Variants in FBXW2 observed in about 807,000 individuals in gnomAD.
FBXW2 encodes the protein F-box/WD repeat-containing protein 2.
In FBXW2, 12 loss-of-function variants were observed where a neutral mutation model predicts 46.0. The observed-to-expected ratio is 0.26, with a 90% CI of 0.17 to 0.42. FBXW2 has a LOEUF of 0.42. Ranked by LOEUF, FBXW2 falls within the 10% of genes least tolerant of loss-of-function variation. FBXW2 has a pLI of 1.00. For synonymous variants in FBXW2, 203 were observed against 209.6 expected (o/e 0.97, Z 0.27); for missense variants, 360 against 537.0 (o/e 0.67, Z 3.26).
chr9:120,771,795 G>A (rs1486866420), intron 6 of FBXW2, among the ~76,000 whole-genome samples: 4 of 152,088 alleles, frequency 2.6e-5, no homozygotes, highest in Admixed American at 2.0e-4. Flanking sequence ...ACGGTGGCTC[G>A]CGCCTGTAAT....
chr9:120,775,046 CTAAT>C (rs1386606915), intron 5 of FBXW2, among the ~76,000 whole-genome samples: 12 of 152,014 alleles, frequency 7.9e-5, no homozygotes, highest in Admixed American at 7.9e-4. Context: ...TTTTTCTGAA[CTAAT>C]TACTTTCCTA....
intron 3 of FBXW2, among the ~76,000 whole-genome samples, chr9:120,786,281 C>T (rs891305459): frequency 6.6e-6 from 1 of 152,140 alleles, no homozygotes; most frequent in African/African-American, 2.4e-5. Context: ...GGTGGCCCCC[C>T]ATGCTGTTCT....
rs1226500185 is a variant in FBXW2, at chr9:120,788,034, C to G, written c.225G>C (p.Gln75His). ...SFYLLKWLDP[Q>H]TLLTCCLVSK... ...AGACGAGGCAGCATGTGAGTAAAGT[C>G]TGAGGATCGAGCCATTTTAACAAAT... Residue 75 changes from glutamine to histidine, a missense_variant, in exon 3 of 8, where the codon CAG (glutamine) becomes CAC (histidine). Coordinates refer to ENST00000608872, the MANE Select transcript of FBXW2 (RefSeq NM_012164.4). 1.2e-6 allele frequency: 2 copies of G among 1,614,140 alleles called. No homozygotes were observed. The highest frequency in any genetic ancestry group is 1.6e-4 in the Middle Eastern group (1 of 6,062).
At chr9:120,784,043 T>C (rs575951490) in intron 3 of FBXW2, among the ~76,000 whole-genome samples, 6 of 152,212 alleles carry the variant, frequency 3.9e-5, no homozygotes, top group Non-Finnish European at 8.8e-5. Context: ...CCAGGGATGC[T>C]GCTGTTAGAA....
intron 2 of FBXW2, among the ~76,000 whole-genome samples, chr9:120,789,318 A>G (rs1428498918): frequency 1.3e-5 from 2 of 152,200 alleles, no homozygotes; most frequent in African/African-American, 2.4e-5. Context: ...CCGTTAGACC[A>G]TTTTCTCCTT....
rs555485208 is a variant in FBXW2, at chr9:120,757,843, C to A, written c.*6716G>T. On this transcript the variant is annotated 3_prime_UTR_variant, in exon 8 of 8. Coordinates refer to ENST00000608872, the MANE Select transcript of FBXW2 (RefSeq NM_012164.4). The stretch of plus-strand genomic sequence containing the variant: ...CTCTCCAAATGTACTCAGAACACTT[C>A]AGATGTTTACAGGATATGGCAGAAG... 2 of 152,304 alleles carry A rather than the reference C, an allele frequency of 1.3e-5. No homozygotes were observed. Among genetic ancestry groups the A allele is most frequent in the South Asian group, 2.1e-4 (1 of 4,824 alleles). 9.4% of individuals were successfully genotyped at this position (152,304 alleles called of 1,614,324 possible). A position where few individuals can be genotyped will look rare whatever the true frequency, so the allele number is the denominator to read the frequency against.
At chr9:120,787,321 G>A (rs2044743684) in intron 3 of FBXW2, among the ~76,000 whole-genome samples, 2 of 152,118 alleles carry the variant, frequency 1.3e-5, no homozygotes, top group South Asian at 4.1e-4. Context: ...GAGCCACTGC[G>A]CCCGACCTCC....
intron 4 of FBXW2, 176 bp from the exon 5 acceptor site, chr9:120,776,402 A>G: frequency 1.5e-6 from 1 of 661,726 alleles, no homozygotes. Context: ...TCTTACTATT[A>G]TAGCTTATTA....
In FBXW2 at chr9:120,760,824, T is replaced by G. The variant is rs1367972611; in HGVS notation, c.*3735A>C. On this transcript the variant is annotated 3_prime_UTR_variant, in exon 8 of 8. Coordinates refer to ENST00000608872, the MANE Select transcript of FBXW2 (RefSeq NM_012164.4). ...ATGCCTAATACAAACAATTTCCTCA[T>G]GTCTAAAATACTGTTTCCGAAAGTT... 6.6e-6 allele frequency: 1 copy of G among 152,200 alleles called. No individual in the cohort carries two copies. Among genetic ancestry groups the G allele is most frequent in the Non-Finnish European group, 1.5e-5 (1 of 68,036 alleles). 9.4% of individuals were successfully genotyped at this position (152,200 alleles called of 1,614,324 possible).
At position 120,783,248 on chromosome 9, in the gene FBXW2, C is replaced by A. The variant is rs187772202; in HGVS notation, c.490+4521G>T. The stretch of plus-strand genomic sequence containing the variant: ...GTGATGCAAGTCTACTCCTGAGAAT[C>A]CTTTAGGAATCACTGTTCTCTGCTC... On this transcript the variant is annotated intron_variant, in intron 3 of 7. Transcript: ENST00000608872. Among the ~76,000 whole-genome samples, 842 of 152,222 alleles carry A rather than the reference C, an allele frequency of 5.5e-3. 11 individuals are homozygous for A. The highest frequency in any genetic ancestry group is 0.019 in the African/African-American group (794 of 41,538).
chr9:120,764,781 C>T lies in FBXW2; in HGVS notation c.1143G>A (p.Leu381=). The change falls in exon 8 of 8, where the codon CTG becomes CTA. Residue 381 remains leucine, a synonymous_variant. Transcript: ENST00000608872. ...TGATGTACAGGTAGCGGTTGTCAAA[C>T]AGCAGGGCAAAGATATCTCCAAAGC... ...LLGFGDIFAL[L]FDNRYLYIMD... 1 of 1,612,950 alleles carries T rather than the reference C, an allele frequency of 6.2e-7. No homozygotes were observed. Among genetic ancestry groups the T allele is most frequent in the Non-Finnish European group, 8.5e-7 (1 of 1,179,060 alleles).
intron 3 of FBXW2, among the ~76,000 whole-genome samples, chr9:120,786,644 T>C (rs969107672): frequency 3.3e-5 from 5 of 152,234 alleles, no homozygotes; most frequent in Non-Finnish European, 7.3e-5. Context: ...CAAATGTTTA[T>C]TGGAAGTTAT....
chr9:120,789,240 C>G (rs2044784440), intron 2 of FBXW2, among the ~76,000 whole-genome samples: 1 of 152,210 alleles, frequency 6.6e-6, no homozygotes, highest in Non-Finnish European at 1.5e-5. Flanking sequence ...ACCAAGCTCT[C>G]TCTCTAAAAT....
At chr9:120,779,425 A>G (rs774721208) in intron 3 of FBXW2, among the ~76,000 whole-genome samples, 2 of 152,194 alleles carry the variant, frequency 1.3e-5, no homozygotes, top group Non-Finnish European at 2.9e-5. Flanking sequence ...GAAATGACTA[A>G]AGCCAGCCAC....
At chr9:120,777,762 C>A (rs1260606698) in intron 4 of FBXW2, among the ~76,000 whole-genome samples, 1 of 140,860 alleles carries the variant, frequency 7.1e-6, no homozygotes, top group Non-Finnish European at 1.5e-5. Flanking sequence ...AATCTCAAGG[C>A]TATATTCAAA....
chr9:120,793,030 G>C, intron 2 of FBXW2, 119 bp downstream of exon 2: 1 of 1,291,754 alleles, frequency 7.7e-7, no homozygotes, highest in Non-Finnish European at 1.1e-6. Flanking sequence ...GGAAATGGAG[G>C]CAGTAGGAGG....
In FBXW2 at chr9:120,761,650, A is replaced by C. The variant is rs1349838181; in HGVS notation, c.*2909T>G. The C allele has an allele frequency of 1.3e-5, 2 of 152,218 alleles. No individual in the cohort carries two copies. Among genetic ancestry groups the C allele is most frequent in the Admixed American group, 1.3e-4 (2 of 15,282 alleles). The allele number at this position is 152,218 out of a possible 1,614,324, so 9.4% of individuals were successfully genotyped here. On this transcript the variant is annotated 3_prime_UTR_variant, in exon 8 of 8. Transcript: ENST00000608872. The stretch of plus-strand genomic sequence containing the variant: ...TGGCGATAGTATGAATAAACCCAGC[A>C]TCTATAAAGTAGTTGAATAAAATCT...
Position 120,787,545 on chromosome 9 carries a change from G to C in FBXW2, c.490+224C>G, listed in dbSNP as rs1232214990. On this transcript the variant is annotated intron_variant, in intron 3 of 7. Transcript: ENST00000608872. ...TTTGTAATTCACATAATGTTTAAAA[G>C]ACAGTCTGAAGTGTTTTTCTCATAA... 2.6e-5 allele frequency among the ~76,000 whole-genome samples: 4 copies of C among 152,154 alleles called. No individual in the cohort carries two copies. The East Asian group carries it at 5.8e-4, about 22-fold the overall frequency.
intron 2 of FBXW2, among the ~76,000 whole-genome samples, chr9:120,791,778 TC>T (rs1329679043): frequency 6.6e-6 from 1 of 152,156 alleles, no homozygotes; most frequent in East Asian, 1.9e-4. Flanking sequence ...GGCTCTAGTT[TC>T]CCAGTAGGTG....
Sources: allele counts gnomAD v4.1 joint callset (sites outside exome capture counted in the v4.1 genomes callset), GRCh38; gene constraint gnomAD v4.1.1; transcripts MANE v1.5; gene names NCBI Gene and HGNC (gene_info 2026-07-23, HGNC 2026-07-21).